CADPS: variants seen among roughly 807,000 people sequenced by gnomAD.
The protein encoded by CADPS is calcium dependent secretion activator.
A neutral mutation model predicts 167.3 loss-of-function variants in CADPS; 57 were observed. The ratio of observed to expected loss-of-function variants is 0.34; its 90% CI spans 0.28 to 0.42. The LOEUF is 0.42. CADPS is among the 20% of genes least tolerant of loss of function. The probability of loss-of-function intolerance (pLI) is 1.00; values close to 1 mark genes in which losing one functional copy is unlikely to be tolerated. For synonymous variants in CADPS, 676 were observed against 635.3 expected (o/e 1.06, Z -0.96); for missense variants, 1,414 against 1,738.1 (o/e 0.81, Z 3.32).
intron 3 of CADPS, among the ~76,000 whole-genome samples, chr3:62,695,306 A>T (rs2080058673): frequency 1.3e-5 from 2 of 152,070 alleles, no homozygotes; most frequent in South Asian, 4.1e-4. Context: ...CATATGAAGG[A>T]AATAAAAATA....
chr3:62,593,805 A>G lies in CADPS; in HGVS notation c.1326-1057T>C, dbSNP rs1019731055. Among the ~76,000 whole-genome samples, 43 of 152,326 alleles carry G rather than the reference A, an allele frequency of 2.8e-4. 1 individual carries two copies. Among genetic ancestry groups the G allele is most frequent in the African/African-American group, 1.0e-3 (43 of 41,584 alleles). ...GTTCTGGTATTAACCTCTCTTTAGC[A>G]TACTATTTAATTTTGCATCTTAGCA... On this transcript the variant is annotated intron_variant, in intron 6 of 29. Transcript: ENST00000383710.
At chr3:62,423,689 G>C (rs904335729) in intron 28 of CADPS, among the ~76,000 whole-genome samples, 4 of 152,166 alleles carry the variant, frequency 2.6e-5, no homozygotes, top group Non-Finnish European at 5.9e-5. Context: ...CTCACAAGGA[G>C]ATCATGAAAA....
chr3:62,846,861 T>A (rs1332656383), intron 1 of CADPS, among the ~76,000 whole-genome samples: 2 of 152,106 alleles, frequency 1.3e-5, no homozygotes, highest in Admixed American at 6.5e-5. Context: ...AGAGACAGGG[T>A]TTCGCCATGT....
At chr3:62,614,108 A>G (rs1173822273) in intron 6 of CADPS, among the ~76,000 whole-genome samples, 1 of 152,138 alleles carries the variant, frequency 6.6e-6, no homozygotes, top group African/African-American at 2.4e-5. Context: ...ATCATCATCA[A>G]TTCAGCCTAA....
intron 8 of CADPS, among the ~76,000 whole-genome samples, chr3:62,583,779 T>TC (rs869071898): frequency 0.071 from 51 of 716 alleles, no homozygotes; most frequent in Admixed American, 0.15. Context: ...AACCTTGGGC[T>TC]TTTTTTGCTT....
chr3:62,867,656 G>A (rs2081947970), intron 1 of CADPS, among the ~76,000 whole-genome samples: 1 of 151,968 alleles, frequency 6.6e-6, no homozygotes, highest in Non-Finnish European at 1.5e-5. Context: ...GATGATAATA[G>A]CAATAATGAA....
chr3:62,560,063 T>C (rs1334924795), intron 9 of CADPS, among the ~76,000 whole-genome samples: 1 of 152,048 alleles, frequency 6.6e-6, no homozygotes, highest in Non-Finnish European at 1.5e-5. Context: ...ATTGCTGAAG[T>C]CACTCTCCAC....
chr3:62,865,419 T>C (rs1466460889), intron 1 of CADPS, among the ~76,000 whole-genome samples: 1 of 150,188 alleles, frequency 6.7e-6, no homozygotes, highest in African/African-American at 2.4e-5. Context: ...AGTTAACTTC[T>C]AATTATCCCA....
At chr3:62,871,815 GA>G (rs2153224078) in intron 1 of CADPS, among the ~76,000 whole-genome samples, 1 of 152,266 alleles carries the variant, frequency 6.6e-6, no homozygotes. Flanking sequence ...ACTACTGTAA[GA>G]TATTAAGAAG....
intron 1 of CADPS, among the ~76,000 whole-genome samples, chr3:62,813,934 G>C (rs1028832808): frequency 6.6e-6 from 1 of 152,124 alleles, no homozygotes; most frequent in South Asian, 2.1e-4. Flanking sequence ...TTTATTGAAC[G>C]AACAAATGAA....
At chr3:62,864,582 A>G (rs2081355734) in intron 1 of CADPS, among the ~76,000 whole-genome samples, 1 of 152,070 alleles carries the variant, frequency 6.6e-6, no homozygotes, top group Non-Finnish European at 1.5e-5. Context: ...CATCACCCCA[A>G]TCTGTCTTCC....
chr3:62,660,435 T>C (rs2072914316), intron 4 of CADPS, among the ~76,000 whole-genome samples: 1 of 152,230 alleles, frequency 6.6e-6, no homozygotes, highest in African/African-American at 2.4e-5. Flanking sequence ...CCTTTTATAA[T>C]ACCTTTAGCC....
intron 6 of CADPS, among the ~76,000 whole-genome samples, chr3:62,635,197 C>T (rs1264140774): frequency 6.6e-6 from 1 of 152,144 alleles, no homozygotes; most frequent in South Asian, 2.1e-4. Context: ...AGAAAATCAC[C>T]TAATTCTGCT....
intron 6 of CADPS, among the ~76,000 whole-genome samples, chr3:62,595,881 G>A (rs1562644491): frequency 6.6e-6 from 1 of 152,050 alleles, no homozygotes. Context: ...AGAAAAACGT[G>A]AAGAGGAGAG....
chr3:62,762,943 G>A (rs1210745579), intron 2 of CADPS, among the ~76,000 whole-genome samples: 1 of 152,068 alleles, frequency 6.6e-6, no homozygotes, highest in African/African-American at 2.4e-5. Flanking sequence ...TGAAGTTGTG[G>A]CATGGTAGGG....
chr3:62,401,594 T>A (rs1441391983), intron 29 of CADPS, among the ~76,000 whole-genome samples: 1 of 152,218 alleles, frequency 6.6e-6, no homozygotes, highest in African/African-American at 2.4e-5. Context: ...CTGGGTGATG[T>A]TCTTGGTTTA....
chr3:62,478,430 A>C lies in CADPS; in HGVS notation c.3174-14T>G. 6.2e-7 allele frequency: 1 copy of C among 1,610,718 alleles called. No individual in the cohort carries two copies. The highest frequency in any genetic ancestry group is 2.2e-5 in the East Asian group (1 of 44,812). On this transcript the variant is annotated splice_polypyrimidine_tract_variant and intron_variant, in intron 22 of 29. Transcript: ENST00000383710. This position sits in a 1 kb window ranked among gnomAD's most constrained non-coding sequence, Gnocchi z 5.7. ...CCTGACCCATTACTGGCAGGACAAA[A>C]ATTAGAAAATGAGAGTCACCCACTG...
chr3:62,613,258 C>T (rs2061750105), intron 6 of CADPS, among the ~76,000 whole-genome samples: 1 of 152,104 alleles, frequency 6.6e-6, no homozygotes, highest in Admixed American at 6.6e-5. Flanking sequence ...TCTCTGGAGC[C>T]CAGCATCCTA....
At chr3:62,772,679 C>G (rs976634060) in intron 1 of CADPS, among the ~76,000 whole-genome samples, 3 of 152,158 alleles carry the variant, frequency 2.0e-5, no homozygotes, top group African/African-American at 7.2e-5. Flanking sequence ...CAGCCAGATG[C>G]ATTCCTAATG....
Sources: allele counts gnomAD v4.1 joint callset (sites outside exome capture counted in the v4.1 genomes callset), GRCh38; gene constraint gnomAD v4.1.1; non-coding constraint Gnocchi (gnomAD v3.1); transcripts MANE v1.5; gene names NCBI Gene and HGNC (gene_info 2026-07-23, HGNC 2026-07-21).